Variants in OTUD7B observed in about 807,000 individuals in gnomAD.
OTUD7B encodes OTU domain-containing protein 7B.
Under a neutral mutation model 82.2 loss-of-function variants are expected in OTUD7B, and 34 were observed. The ratio of observed to expected loss-of-function variants is 0.41; its 90% CI spans 0.31 to 0.55. The LOEUF is 0.55. Among genes scored for constraint, OTUD7B ranks in the 20% least tolerant of loss-of-function variants. OTUD7B has a pLI of 0.20. For synonymous variants in OTUD7B, 398 were observed against 402.7 expected (o/e 0.99, Z 0.14); for missense variants, 944 against 1,062.1 (o/e 0.89, Z 1.55).
At chr1:150,044,672 A>AT in the OTUD7B span, among the ~76,000 whole-genome samples, 1 of 139,668 alleles carries the variant, frequency 7.2e-6, no homozygotes, top group Non-Finnish European at 1.5e-5. Context: ...TCTGTCTCAA[A>AT]AAATAATAAT....
the OTUD7B span, among the ~76,000 whole-genome samples, chr1:150,041,743 CTAAT>C: frequency 6.6e-6 from 1 of 152,086 alleles, no homozygotes. Context: ...TTTTAGTACA[CTAAT>C]TGAGTGTGCC....
chr1:150,030,270 G>C, the OTUD7B span, among the ~76,000 whole-genome samples: 1 of 152,098 alleles, frequency 6.6e-6, no homozygotes, highest in Non-Finnish European at 1.5e-5. Context: ...GTGTGGATGG[G>C]AAGGAATTTC....
At chr1:149,950,754 G>A (rs949126063) in intron 7 of OTUD7B, among the ~76,000 whole-genome samples, 5 of 147,086 alleles carry the variant, frequency 3.4e-5, no homozygotes, top group Admixed American at 6.8e-5. Context: ...CAGTAGTCAC[G>A]TGATTTAACC....
chr1:150,016,772 G>T, the OTUD7B span, among the ~76,000 whole-genome samples: 2 of 152,108 alleles, frequency 1.3e-5, no homozygotes, highest in Non-Finnish European at 2.9e-5. Context: ...AATTTTCATG[G>T]TGCAAATATT....
rs1647272841 is a variant in OTUD7B at position 149,941,756 on chromosome 1, A to T, written c.*2101T>A. On this transcript the variant is annotated 3_prime_UTR_variant, in exon 12 of 12. Transcript: ENST00000581312. ...GATTTCGCTATTTTATCCAACATAA[A>T]TTTTTTGCATTAATTTTTTTAAATA... is the stretch of plus-strand genomic sequence containing the variant. 1 of 152,222 alleles carries T rather than the reference A, an allele frequency of 6.6e-6. No homozygotes were observed. The highest frequency in any genetic ancestry group is 1.5e-5 in the Non-Finnish European group (1 of 68,024). The allele number at this position is 152,222 out of a possible 1,614,324, so 9.4% of individuals were successfully genotyped here. A position where few individuals can be genotyped will look rare whatever the true frequency, so the allele number is the denominator to read the frequency against.
upstream of OTUD7B, among the ~76,000 whole-genome samples, chr1:150,013,267 A>G (rs913817779): frequency 6.6e-6 from 1 of 152,214 alleles, no homozygotes; most frequent in African/African-American, 2.4e-5. Flanking sequence ...GGCTGCTTCA[A>G]GGAGCTCCCT....
chr1:150,016,133 A>G, the OTUD7B span, among the ~76,000 whole-genome samples: 1 of 152,182 alleles, frequency 6.6e-6, no homozygotes, highest in Non-Finnish European at 1.5e-5. Context: ...AATTCTTGTT[A>G]TATGGGATAA....
chr1:150,006,259 C>T (rs1553786058), intron 1 of OTUD7B, among the ~76,000 whole-genome samples: 1 of 152,140 alleles, frequency 6.6e-6, no homozygotes, highest in African/African-American at 2.4e-5. Context: ...AGATCAAGAC[C>T]ATCCTGGCTA....
intron 1 of OTUD7B, among the ~76,000 whole-genome samples, chr1:150,007,953 T>C (rs1373391982): frequency 6.6e-6 from 1 of 152,224 alleles, no homozygotes; most frequent in Non-Finnish European, 1.5e-5. Flanking sequence ...AGAGTGCTAC[T>C]CATACACACA....
the OTUD7B span, among the ~76,000 whole-genome samples, chr1:150,044,864 T>G: frequency 5.4e-5 from 8 of 147,766 alleles, no homozygotes; most frequent in African/African-American, 2.0e-4. Context: ...TAGTTACCTG[T>G]GAAAATAGCT....
chr1:150,013,613 A>G (rs1470843375), upstream of OTUD7B, among the ~76,000 whole-genome samples: 5 of 151,994 alleles, frequency 3.3e-5, no homozygotes, highest in Non-Finnish European at 7.4e-5. Flanking sequence ...CCATGAATCC[A>G]TATTTTTTAA....
the OTUD7B span, chr1:150,054,280 G>A: frequency 2.1e-6 from 1 of 475,066 alleles, no homozygotes; most frequent in Non-Finnish European, 4.1e-6. Context: ...TGAGAAAACT[G>A]TGAGCCAGGA....
intron 7 of OTUD7B, among the ~76,000 whole-genome samples, chr1:149,959,100 T>C (rs1028135478): frequency 2.0e-4 from 31 of 151,906 alleles, no homozygotes; most frequent in African/African-American, 7.5e-4. Flanking sequence ...CATGCATCTG[T>C]AGTCCCAGCT....
the OTUD7B span, among the ~76,000 whole-genome samples, chr1:150,039,778 A>C: frequency 6.6e-6 from 1 of 152,190 alleles, no homozygotes; most frequent in Non-Finnish European, 1.5e-5. Flanking sequence ...TATTCTTATA[A>C]ATGTAATTTT....
intron 1 of OTUD7B, among the ~76,000 whole-genome samples, chr1:149,985,770 A>T (rs1326879044): frequency 1.3e-5 from 2 of 151,114 alleles, no homozygotes; most frequent in Non-Finnish European, 2.9e-5. Flanking sequence ...TCTATACAGG[A>T]CAAACAAGGC....
intron 7 of OTUD7B, among the ~76,000 whole-genome samples, chr1:149,959,457 G>T: frequency 6.6e-6 from 1 of 152,060 alleles, no homozygotes; most frequent in Non-Finnish European, 1.5e-5. Flanking sequence ...TGGGTCATTT[G>T]TCCTGAAGTT....
chr1:150,039,438 C>T, the OTUD7B span, among the ~76,000 whole-genome samples: 8 of 151,792 alleles, frequency 5.3e-5, no homozygotes, highest in African/African-American at 1.2e-4. Flanking sequence ...AGTGCAGTGG[C>T]GCGATCTAGG....
At chr1:150,050,763 T>C in the OTUD7B span, among the ~76,000 whole-genome samples, 3 of 152,096 alleles carry the variant, frequency 2.0e-5, no homozygotes, top group African/African-American at 7.2e-5. Context: ...TTACAGAGCC[T>C]GTTCTTGGTG....
At chr1:149,988,646 TTGG>T in intron 1 of OTUD7B, among the ~76,000 whole-genome samples, 1 of 152,200 alleles carries the variant, frequency 6.6e-6, no homozygotes, top group Non-Finnish European at 1.5e-5. Flanking sequence ...TATTATAATA[TTGG>T]CACAACAATA....
Sources: allele counts gnomAD v4.1 joint callset (sites outside exome capture counted in the v4.1 genomes callset), GRCh38; gene constraint gnomAD v4.1.1; transcripts MANE v1.5; gene names NCBI Gene and HGNC (gene_info 2026-07-23, HGNC 2026-07-21).